MTMR7: variants seen among roughly 807,000 people sequenced by gnomAD.
The protein encoded by MTMR7 is phosphatidylinositol-3-phosphate phosphatase MTMR7.
A neutral mutation model predicts 81.2 loss-of-function variants in MTMR7; 76 were observed. That is an observed-to-expected ratio of 0.94 (90% CI 0.78 to 1.13). The LOEUF is 1.13. MTMR7 is among the 50% of genes most tolerant of loss of function. The pLI, the probability that MTMR7 is intolerant of heterozygous loss-of-function variation, is 0.00. For missense variants in MTMR7, 1,044 were observed against 820.0 expected, an observed-to-expected ratio of 1.27 and a Z score of -3.34; for synonymous variants, 372 against 289.8, an observed-to-expected ratio of 1.28 and a Z score of -2.88.
chr8:17,372,943 G>T (rs116939081), intron 2 of MTMR7, 175 bp downstream of exon 2: 12,228 of 639,956 alleles, frequency 0.019, 198 homozygotes, highest in Non-Finnish European at 0.026. Flanking sequence ...ATGAATAGTC[G>T]ATCAAGTAGA....
At chr8:17,350,967 G>A (rs936775059) in intron 4 of MTMR7, among the ~76,000 whole-genome samples, 2 of 152,184 alleles carry the variant, frequency 1.3e-5, no homozygotes, top group African/African-American at 4.8e-5. Flanking sequence ...GACTCAGAGA[G>A]CTTTAGCTGG....
intron 4 of MTMR7, among the ~76,000 whole-genome samples, chr8:17,351,149 TTAAAAG>T (rs1408065272): frequency 6.6e-6 from 1 of 152,224 alleles, no homozygotes; most frequent in African/African-American, 2.4e-5. Flanking sequence ...ATAACAGTTT[TTAAAAG>T]GAAATGAGTA....
chr8:17,393,654 C>T (rs1003841371), intron 1 of MTMR7, among the ~76,000 whole-genome samples: 3 of 151,924 alleles, frequency 2.0e-5, no homozygotes, highest in African/African-American at 7.3e-5. Flanking sequence ...ACGATGAGAA[C>T]ACGTGGACAC....
At chr8:17,366,209 T>G (rs1820220091) in intron 3 of MTMR7, among the ~76,000 whole-genome samples, 1 of 152,110 alleles carries the variant, frequency 6.6e-6, no homozygotes, top group African/African-American at 2.4e-5. Flanking sequence ...GAAAGGGTGC[T>G]CCTTCTGCCA....
chr8:17,361,536 C>CT (rs1051342702), intron 3 of MTMR7, among the ~76,000 whole-genome samples: 1 of 152,242 alleles, frequency 6.6e-6, no homozygotes, highest in African/African-American at 2.4e-5. Context: ...CCATTTTGTG[C>CT]TTTTTTTGTT....
At chr8:17,332,420 A>G (rs1819050864) in intron 6 of MTMR7, among the ~76,000 whole-genome samples, 2 of 152,232 alleles carry the variant, frequency 1.3e-5, no homozygotes, top group South Asian at 2.1e-4. Context: ...GACTATCTCA[A>G]TAGGACAATG....
intron 7 of MTMR7, among the ~76,000 whole-genome samples, chr8:17,330,499 T>G (rs1256864567): frequency 6.6e-6 from 1 of 152,256 alleles, no homozygotes; most frequent in Non-Finnish European, 1.5e-5. Context: ...TAAGCTGGTT[T>G]TGCTTGAAAT....
At chr8:17,334,844 G>T (rs1054832848) in intron 6 of MTMR7, among the ~76,000 whole-genome samples, 1 of 152,188 alleles carries the variant, frequency 6.6e-6, no homozygotes, top group Non-Finnish European at 1.5e-5. Flanking sequence ...GGGATCAGGG[G>T]TAACGTTTTG....
chr8:17,355,375 T>A (rs946184758), intron 4 of MTMR7, among the ~76,000 whole-genome samples: 2 of 152,248 alleles, frequency 1.3e-5, no homozygotes, highest in South Asian at 4.1e-4. Flanking sequence ...AAGAGGAAGA[T>A]TCAGTGTCAT....
At chr8:17,399,782 T>C (rs1428165347) in intron 1 of MTMR7, among the ~76,000 whole-genome samples, 2 of 151,822 alleles carry the variant, frequency 1.3e-5, no homozygotes, top group Non-Finnish European at 2.9e-5. Context: ...TTCACAGTAG[T>C]CGAGATTTGG....
At chr8:17,375,516 T>C (rs1446263750) in intron 1 of MTMR7, among the ~76,000 whole-genome samples, 1 of 151,656 alleles carries the variant, frequency 6.6e-6, no homozygotes, top group Non-Finnish European at 1.5e-5. Context: ...CTTTTGTTAC[T>C]GATATGCTGC....
At chr8:17,334,514 G>C (rs1307655610) in intron 6 of MTMR7, among the ~76,000 whole-genome samples, 1 of 152,226 alleles carries the variant, frequency 6.6e-6, no homozygotes, top group Admixed American at 6.5e-5. Flanking sequence ...CAACAGATAG[G>C]TGAAAAGTAG....
intron 1 of MTMR7, among the ~76,000 whole-genome samples, chr8:17,410,248 T>C (rs1280724528): frequency 1.3e-5 from 2 of 152,162 alleles, no homozygotes; most frequent in African/African-American, 4.8e-5. Flanking sequence ...ACGTATTCTA[T>C]TTCATAACTC....
Position 17,299,907 on chromosome 8 carries a change from A to ACTAT in MTMR7, c.1934_1937dup (p.Ser646ArgfsTer2), listed in dbSNP as rs1423123441. The ACTAT allele has an allele frequency of 1.9e-6, 3 of 1,614,116 alleles. No individual in the cohort carries two copies. The highest frequency in any genetic ancestry group is 8.5e-7 in the Non-Finnish European group (1 of 1,179,992). On this transcript the variant is annotated stop_gained and frameshift_variant, in exon 14 of 14. Coordinates refer to ENST00000180173, the MANE Select transcript of MTMR7 (RefSeq NM_004686.5). LOFTEE classifies it high-confidence loss of function. ...CTTCATCAGAATCCCGGTCCTTGCC[A>ACTAT]CTATCTTCACTCGGTGCATGCTCAC...
intron 1 of MTMR7, among the ~76,000 whole-genome samples, chr8:17,393,318 T>G (rs559281019): frequency 6.6e-6 from 1 of 152,150 alleles, no homozygotes. Context: ...CTCTGTGACC[T>G]TGGATTAGGT....
intron 12 of MTMR7, among the ~76,000 whole-genome samples, chr8:17,303,319 T>C (rs748272738): frequency 6.6e-6 from 1 of 152,148 alleles, no homozygotes; most frequent in African/African-American, 2.4e-5. Context: ...AATATTCTGC[T>C]ATAAATTCTG....
intron 7 of MTMR7, among the ~76,000 whole-genome samples, chr8:17,323,789 C>T (rs1216664377): frequency 1.3e-5 from 2 of 152,150 alleles, no homozygotes; most frequent in Non-Finnish European, 2.9e-5. Flanking sequence ...GGAGAAAGCT[C>T]CTTTTATCAC....
chr8:17,359,699 A>C (rs1820003858), intron 4 of MTMR7, among the ~76,000 whole-genome samples: 1 of 152,148 alleles, frequency 6.6e-6, no homozygotes, highest in Admixed American at 6.5e-5. Flanking sequence ...ACAAATGGTC[A>C]ATCAATATAG....
chr8:17,385,939 T>A (rs1424012284), intron 1 of MTMR7, among the ~76,000 whole-genome samples: 1 of 152,182 alleles, frequency 6.6e-6, no homozygotes, highest in African/African-American at 2.4e-5. Context: ...TAATAGTCAA[T>A]ACAATACAAA....
Sources: gnomAD v4.1 joint callset for allele counts (sites outside exome capture counted in the v4.1 genomes callset) on GRCh38, gnomAD v4.1.1 for gene constraint, MANE v1.5 for transcripts, NCBI Gene and HGNC (gene_info 2026-07-23, HGNC 2026-07-21) for gene names.